LPO: variants seen among roughly 807,000 people sequenced by gnomAD.
LPO encodes lactoperoxidase, also known as salivary peroxidase.
Under a neutral mutation model 68.4 loss-of-function variants are expected in LPO, and 70 were observed. The ratio of observed to expected loss-of-function variants is 1.02; its 90% CI spans 0.84 to 1.25. LPO has a LOEUF of 1.25. Among genes scored for constraint, LPO ranks in the 50% most tolerant of loss-of-function variants. LPO has a pLI of 0.00. For synonymous variants in LPO, 360 were observed against 357.6 expected, an observed-to-expected ratio of 1.01 and a Z score of -0.08; for missense variants, 873 against 908.4, an observed-to-expected ratio of 0.96 and a Z score of 0.50.
At chr17:58,243,794 T>G in intron 2 of LPO, 200 bp from the exon 3 acceptor site, 2 of 595,268 alleles carry the variant, frequency 3.4e-6, no homozygotes, top group South Asian at 4.0e-5. Context: ...TGACATCTTG[T>G]TGAAGATCCA....
chr17:58,247,857 C>CT (rs1368043054), intron 4 of LPO, among the ~76,000 whole-genome samples: 1 of 152,196 alleles, frequency 6.6e-6, no homozygotes, highest in Non-Finnish European at 1.5e-5. Flanking sequence ...AAACTGAGAC[C>CT]TAGCAAGCTC....
rs1036446065 is a variant in LPO, at chr17:58,267,425, C to A, written c.1770C>A (p.Ser590Arg). ...TLEELNTVLK[S>R]KMLAKKLLGL... ...AGGAGTTGAACACAGTGCTGAAGAG[C>A]AAGATGCTGGCCAAGAAGTTACTGG... is the stretch of plus-strand genomic sequence containing the variant. Residue 590 changes from serine (S) to arginine (R), a missense_variant, in exon 12 of 13, where the codon AGC (serine) becomes AGA (arginine). By Grantham distance (110) the Ser-to-Arg change is moderately radical (BLOSUM62 -1). Transcript: ENST00000262290. 2.9e-5 allele frequency: 47 copies of A among 1,614,120 alleles called. No homozygotes were observed. Among genetic ancestry groups the A allele is most frequent in the Non-Finnish European group, 4.0e-5 (47 of 1,180,054 alleles).
At chr17:58,243,672 C>T (rs1220378935) in intron 2 of LPO, 2 of 414,508 alleles carry the variant, frequency 4.8e-6, no homozygotes, top group Non-Finnish European at 8.9e-6. Context: ...AAGACCATCT[C>T]ACCAGGAACC....
intron 3 of LPO, 100 bp downstream of exon 3, chr17:58,244,181 G>C: frequency 6.5e-6 from 6 of 926,722 alleles, no homozygotes; most frequent in Non-Finnish European, 1.0e-5. Flanking sequence ...AGGCCAGCCC[G>C]GATGAGCCAA....
At chr17:58,245,906 C>A (rs8178304) in intron 3 of LPO, among the ~76,000 whole-genome samples, 1 of 152,202 alleles carries the variant, frequency 6.6e-6, no homozygotes, top group African/African-American at 2.4e-5. Flanking sequence ...GGCCAACCAG[C>A]GCCCTGCTTT....
rs1005568657 is a variant in LPO at position 58,249,099 on chromosome 17, G to T, written c.365G>T (p.Gly122Val). ...TTGACTTCACTGTCTCTGGAGGTGG[G>T]CTGTGGTGCTCCTGCTCCCGTGGTG... is the stretch of plus-strand genomic sequence containing the variant. ...LDLTSLSLEV[G>V]CGAPAPVVRC... The change falls in exon 5 of 13, where the codon GGC becomes GTC. Residue 122 changes from glycine (G) to valine (V), a missense_variant. Physicochemically the swap from Gly to Val is moderately radical, Grantham distance 109. Coordinates refer to ENST00000262290, the MANE Select transcript of LPO (RefSeq NM_006151.3). The T allele has an allele frequency of 1.5e-5, 25 of 1,614,184 alleles. No individual in the cohort carries two copies. Among genetic ancestry groups the T allele is most frequent in the Non-Finnish European group, 1.9e-5 (23 of 1,180,034 alleles).
At chr17:58,250,852 C>T in intron 7 of LPO, 1 of 558,248 alleles carries the variant, frequency 1.8e-6, no homozygotes. Flanking sequence ...GAACAGGACA[C>T]CGCTCCTGCT....
intron 10 of LPO, among the ~76,000 whole-genome samples, chr17:58,265,696 C>T (rs748195126): frequency 5.3e-5 from 8 of 150,720 alleles, no homozygotes; most frequent in Non-Finnish European, 1.0e-4. Flanking sequence ...ATCCTCCTAC[C>T]TCAGCCTCCC....
In LPO at chr17:58,265,072, A is replaced by G. The variant is rs1598033922; in HGVS notation, c.1519+98A>G. On this transcript the variant is annotated intron_variant, in intron 10 of 12. Coordinates refer to ENST00000262290, the MANE Select transcript of LPO (RefSeq NM_006151.3). ...GAAGTCAGATTCCAAGCACTTTTAC[A>G]TGACCTTGGGCAAATGAATTCACCT... The G allele has an allele frequency of 1.7e-5, 25 of 1,507,852 alleles. No individual in the cohort carries two copies. In the East Asian group the frequency reaches 5.4e-4, roughly 33 times the overall value. The allele number at this position is 1,507,852 out of a possible 1,614,324, so 93.4% of individuals were successfully genotyped here.
intron 2 of LPO, 23 bp downstream of exon 2, chr17:58,243,078 T>C (rs749818445): frequency 6.2e-7 from 1 of 1,609,674 alleles, no homozygotes; most frequent in South Asian, 1.1e-5. Context: ...CTTTACGGGT[T>C]TTCTGGGGCT....
rs369519192 is a variant in LPO at position 58,240,740 on chromosome 17, GTCT to G, written c.-3+2008_-3+2010del. On this transcript the variant is annotated intron_variant, in intron 1 of 12. Coordinates refer to ENST00000262290, the MANE Select transcript of LPO (RefSeq NM_006151.3). ...CCTGTTCAAATTTCTCAACTTTCAT[GTCT>G]TCTTCTATGATTTTGTCTTCCTCAG... 3.6e-3 allele frequency among the ~76,000 whole-genome samples: 552 copies of G among 152,308 alleles called. 3 individuals carry two copies. The highest frequency in any genetic ancestry group is 0.012 in the African/African-American group (516 of 41,566).
chr17:58,267,559 A>G lies in LPO; in HGVS notation c.1904A>G (p.Gln635Arg). The stretch of plus-strand genomic sequence containing the variant: ...CTCCTGGCCTGCCTCTTGGGCAAGC[A>G]GTTCCAGCAGATCCGTGATGGAGAC... Reference protein sequence around the residue: ...GPLLACLLGKQFQQIRDGDRF... With the variant: ...GPLLACLLGKRFQQIRDGDRF... Residue 635 changes from glutamine (Q) to arginine (R), a missense_variant, in exon 12 of 13, where the codon CAG becomes CGG. By Grantham distance (43) the Gln-to-Arg change is conservative. Coordinates refer to ENST00000262290, the MANE Select transcript of LPO (RefSeq NM_006151.3). 1 of 1,612,734 alleles carries G rather than the reference A, an allele frequency of 6.2e-7. No homozygotes were observed. The highest frequency in any genetic ancestry group is 2.2e-5 in the East Asian group (1 of 44,846).
rs915808821 is a variant in LPO at position 58,254,549 on chromosome 17, A to C, written c.1106-262A>C. On this transcript the variant is annotated intron_variant, in intron 8 of 12. Transcript: ENST00000262290. ...TGTGATAGGCTTTATTCTCATTTTCATAGGTAAGGAGACCGAGGCTCAGAA... is the reference window on the plus strand; with the variant it reads ...TGTGATAGGCTTTATTCTCATTTTCCTAGGTAAGGAGACCGAGGCTCAGAA... 9.3e-6 allele frequency: 3 copies of C among 322,446 alleles called. No individual in the cohort carries two copies. The East Asian group carries it at 1.7e-4, about 18-fold the overall frequency. 20.0% of individuals were successfully genotyped at this position (322,446 alleles called of 1,614,324 possible).
At chr17:58,253,977 T>A (rs1225168872) in intron 8 of LPO, among the ~76,000 whole-genome samples, 1 of 152,014 alleles carries the variant, frequency 6.6e-6, no homozygotes, top group Non-Finnish European at 1.5e-5. Context: ...CAACACATGG[T>A]GGCACATGCC....
intron 7 of LPO, chr17:58,251,598 G>A (rs183543104): frequency 1.6e-5 from 4 of 252,560 alleles, no homozygotes; most frequent in Non-Finnish European, 1.6e-5. Flanking sequence ...AGAATAAATC[G>A]AGGCTATGTG....
intron 5 of LPO, 41 bp from the exon 6 acceptor site, chr17:58,249,525 G>A: frequency 6.3e-7 from 1 of 1,591,348 alleles, no homozygotes. Flanking sequence ...GAGCCCCGGA[G>A]CCGGCCTGCC....
intron 3 of LPO, among the ~76,000 whole-genome samples, chr17:58,247,242 A>G (rs1239964271): frequency 6.6e-6 from 1 of 152,114 alleles, no homozygotes; most frequent in Non-Finnish European, 1.5e-5. Context: ...CACTAACCAC[A>G]CCTGGCTATT....
intron 8 of LPO, among the ~76,000 whole-genome samples, chr17:58,252,850 C>T (rs1422573890): frequency 2.0e-5 from 3 of 151,544 alleles, no homozygotes; most frequent in Admixed American, 1.3e-4. Flanking sequence ...GGTGAAACCC[C>T]GTCTCTTCTA....
intron 9 of LPO, among the ~76,000 whole-genome samples, chr17:58,256,301 A>G (rs1970067782): frequency 6.6e-6 from 1 of 152,126 alleles, no homozygotes; most frequent in Non-Finnish European, 1.5e-5. Context: ...TAAAGCTACT[A>G]CAATCATTCA....
Sources: gnomAD v4.1 joint callset for allele counts (sites outside exome capture counted in the v4.1 genomes callset) on GRCh38, gnomAD v4.1.1 for gene constraint, MANE v1.5 for transcripts, NCBI Gene and HGNC (gene_info 2026-07-23, HGNC 2026-07-21) for gene names.